SLC36A3: variants seen among roughly 807,000 people sequenced by gnomAD.
SLC36A3 encodes the protein proton-coupled amino acid transporter 3.
A neutral mutation model predicts 44.3 loss-of-function variants in SLC36A3; 35 were observed. The ratio of observed to expected loss-of-function variants is 0.79; its 90% CI spans 0.60 to 1.05. The LOEUF (loss-of-function observed/expected upper bound fraction) is 1.05. Ranked by LOEUF, SLC36A3 falls within the 50% of genes least tolerant of loss-of-function variation. SLC36A3 has a pLI of 0.00. For synonymous variants in SLC36A3, 211 were observed against 227.6 expected (o/e 0.93, Z 0.66); for missense variants, 540 against 578.7 (o/e 0.93, Z 0.69).
chr5:151,295,032 C>T (rs6890303), intron 3 of SLC36A3, among the ~76,000 whole-genome samples: 1 of 151,020 alleles, frequency 6.6e-6, no homozygotes, highest in Non-Finnish European at 1.5e-5. Flanking sequence ...TCTGCAACCT[C>T]TATATTAGAA....
At chr5:151,299,789 CTA>C (rs1755109544) in intron 1 of SLC36A3, among the ~76,000 whole-genome samples, 1 of 152,148 alleles carries the variant, frequency 6.6e-6, no homozygotes. Context: ...GGAGAAAATT[CTA>C]GTTTTGCCTA....
chr5:151,299,225 GCTCTCTCTCT>G lies in SLC36A3; in HGVS notation c.129-552_129-543del, dbSNP rs61382152. Among the ~76,000 whole-genome samples the G allele has an allele frequency of 9.0e-3, 834 of 92,270 alleles. 10 individuals are homozygous for G. The highest frequency in any genetic ancestry group is 0.024 in the African/African-American group (552 of 23,360). The allele number at this position is 92,270 out of a possible 152,430, so 60.5% of individuals were successfully genotyped here. ...CATTGTGAATATGAATTGCTTGTGC[GCTCTCTCTCT>G]CTCTCTCTCTCTCTCTCTCTCTCTC... On this transcript the variant is annotated intron_variant, in intron 1 of 9. Coordinates refer to ENST00000335230, the MANE Select transcript of SLC36A3 (RefSeq NM_181774.4).
intron 3 of SLC36A3, 139 bp from the exon 4 acceptor site, chr5:151,293,598 T>A: frequency 1.5e-6 from 1 of 678,386 alleles, no homozygotes; most frequent in Non-Finnish European, 2.4e-6. Flanking sequence ...ATCTACTTTA[T>A]ACTTTAACAA....
At chr5:151,301,821 C>T (rs996092539) in intron 1 of SLC36A3, among the ~76,000 whole-genome samples, 1 of 151,806 alleles carries the variant, frequency 6.6e-6, no homozygotes, top group Non-Finnish European at 1.5e-5. Flanking sequence ...CTTGATAAAT[C>T]GTCTCTGTCT....
At chr5:151,288,491 C>A (rs1754630997) in intron 4 of SLC36A3, 21 bp from the exon 5 acceptor site, 1 of 1,479,862 alleles carries the variant, frequency 6.8e-7, no homozygotes, top group South Asian at 1.4e-5. Context: ...AAGGAAGAGG[C>A]AGACAGAGGG....
chr5:151,284,051 T>A lies in SLC36A3; in HGVS notation c.967A>T (p.Asn323Tyr), dbSNP rs1156254124. The change falls in exon 8 of 10, where the codon AAT becomes TAT. Residue 323 changes from asparagine to tyrosine, a missense_variant. Coordinates refer to ENST00000335230, the MANE Select transcript of SLC36A3 (RefSeq NM_181774.4). ...TQASITLNLP[N>Y]CWLYQSVKLM... The stretch of plus-strand genomic sequence containing the variant: ...GAGGTGGGCAGGACATACCAGCAAT[T>A]GGGCAAGTTGAGGGTGATGCTGGCC... 3 of 1,610,486 alleles carry A rather than the reference T, an allele frequency of 1.9e-6. No individual in the cohort carries two copies. Among genetic ancestry groups the A allele is most frequent in the Middle Eastern group, 1.7e-4 (1 of 6,040 alleles).
At chr5:151,299,256 CTCTCTCTCTA>C (rs1459925299) in intron 1 of SLC36A3, among the ~76,000 whole-genome samples, 196 of 76,572 alleles carry the variant, frequency 2.6e-3, no homozygotes, top group Admixed American at 6.4e-3. Flanking sequence ...CTCTCTCTCT[CTCTCTCTCTA>C]TATATATATA....
At chr5:151,293,706 G>A (rs1270940360) in intron 3 of SLC36A3, among the ~76,000 whole-genome samples, 1 of 152,182 alleles carries the variant, frequency 6.6e-6, no homozygotes, top group Non-Finnish European at 1.5e-5. Flanking sequence ...TGAGTAAGCG[G>A]TAGCTGTGCA....
chr5:151,289,547 T>C (rs1754680305), intron 4 of SLC36A3, among the ~76,000 whole-genome samples: 1 of 152,150 alleles, frequency 6.6e-6, no homozygotes, highest in South Asian at 2.1e-4. Flanking sequence ...GATGGTATGA[T>C]GATTATACTT....
At chr5:151,284,279 T>A in intron 7 of SLC36A3, 69 bp from the exon 8 acceptor site, 1 of 1,214,474 alleles carries the variant, frequency 8.2e-7, no homozygotes, top group Non-Finnish European at 1.2e-6. Context: ...AAGGAGAGGG[T>A]TCCCGTACAA....
intron 3 of SLC36A3, 116 bp downstream of exon 3, chr5:151,296,064 T>G (rs1754947786): frequency 2.2e-6 from 2 of 906,266 alleles, no homozygotes; most frequent in East Asian, 2.6e-5. Context: ...GAATCCAGAT[T>G]GGTAGGAAGG....
chr5:151,282,948 G>A (rs1469494548), intron 8 of SLC36A3, among the ~76,000 whole-genome samples: 1 of 150,598 alleles, frequency 6.6e-6, no homozygotes, highest in East Asian at 1.9e-4. Context: ...GCAATGGCGT[G>A]ATCTCGGCTC....
Position 151,288,457 on chromosome 5 carries a change from A to T in SLC36A3, c.418T>A (p.Phe140Ile). The change falls in exon 5 of 10, where the codon TTC becomes ATC. Residue 140 changes from phenylalanine to isoleucine, a missense_variant. Coordinates refer to ENST00000335230, the MANE Select transcript of SLC36A3 (RefSeq NM_181774.4). The part of the protein sequence containing the change: ...HAVWGRYTVS[F>I]LLVITQLGFC... ...CCCAGCTGGGTGATGACTAATAAGAAGCTGACAGTGTACCTGGGAAGGAAA... is the reference window on the plus strand; with the variant it reads ...CCCAGCTGGGTGATGACTAATAAGATGCTGACAGTGTACCTGGGAAGGAAA... 6.3e-7 allele frequency: 1 copy of T among 1,579,850 alleles called. No individual in the cohort carries two copies. Among genetic ancestry groups the T allele is most frequent in the Non-Finnish European group, 8.6e-7 (1 of 1,162,082 alleles).
chr5:151,284,320 T>C, intron 7 of SLC36A3, 110 bp from the exon 8 acceptor site: 1 of 1,124,966 alleles, frequency 8.9e-7, no homozygotes, highest in Admixed American at 2.4e-5. Context: ...GTGGGCCCAG[T>C]ATCAGAAAGG....
chr5:151,293,014 T>C (rs6579850), intron 4 of SLC36A3, among the ~76,000 whole-genome samples: 23,811 of 152,094 alleles, frequency 0.16, 2,419 homozygotes, highest in African/African-American at 0.29. Context: ...TTCATTTATA[T>C]GTTCCAACAT....
At chr5:151,302,459 A>G (rs1417637758) in intron 1 of SLC36A3, among the ~76,000 whole-genome samples, 1 of 152,000 alleles carries the variant, frequency 6.6e-6, no homozygotes, top group Non-Finnish European at 1.5e-5. Flanking sequence ...TACTCCGCAA[A>G]CTAACAAAGG....
chr5:151,303,577 T>C lies in SLC36A3; in HGVS notation c.-223A>G, dbSNP rs1438342992. ...CCTCACCTGGCTCTTGGGGGACTTA[T>C]GAAAGACCCATCTCAGTCAGGATGG... is the stretch of plus-strand genomic sequence containing the variant. On this transcript the variant is annotated 5_prime_UTR_variant, in exon 1 of 10. Coordinates refer to ENST00000335230, the MANE Select transcript of SLC36A3 (RefSeq NM_181774.4). The C allele has an allele frequency of 2.1e-5, 10 of 473,446 alleles. No homozygotes were observed. Among genetic ancestry groups the C allele is most frequent in the Non-Finnish European group, 2.6e-5 (7 of 267,356 alleles). 29.3% of individuals were successfully genotyped at this position (473,446 alleles called of 1,614,324 possible).
In SLC36A3 at chr5:151,283,916, G is replaced by A. The variant is rs542789690; in HGVS notation, c.974+128C>T. ...GCTTTGACTGATGCAGTGTGAGCAG[G>A]AGAGACATATGTCACTTCCAGTGAT... On this transcript the variant is annotated intron_variant, in intron 8 of 9. Coordinates refer to ENST00000335230, the MANE Select transcript of SLC36A3 (RefSeq NM_181774.4). The A allele has an allele frequency of 6.6e-6, 8 of 1,204,762 alleles. No homozygotes were observed. The South Asian group carries it at 1.2e-4, about 19-fold the overall frequency. The allele number at this position is 1,204,762 out of a possible 1,614,324, so 74.6% of individuals were successfully genotyped here. A position where few individuals can be genotyped will look rare whatever the true frequency, so the allele number is the denominator to read the frequency against.
rs148855061 is a variant in SLC36A3, at chr5:151,291,963, C to T, written c.404+1401G>A. On this transcript the variant is annotated intron_variant, in intron 4 of 9. Transcript: ENST00000335230. Reference sequence around the variant, plus strand: ...GCAACCTCTGCCTCCTGAGTTCAAGCGATTCTCCTGCCTCAGTCTCCTGAG... The same window carrying T: ...GCAACCTCTGCCTCCTGAGTTCAAGTGATTCTCCTGCCTCAGTCTCCTGAG... Among the ~76,000 whole-genome samples, 475 of 151,774 alleles carry T rather than the reference C, an allele frequency of 3.1e-3. 4 individuals are homozygous for T. The highest frequency in any genetic ancestry group is 0.011 in the African/African-American group (447 of 41,114).
Sources: gnomAD v4.1 joint callset for allele counts (sites outside exome capture counted in the v4.1 genomes callset) on GRCh38, gnomAD v4.1.1 for gene constraint, MANE v1.5 for transcripts, NCBI Gene and HGNC (gene_info 2026-07-23, HGNC 2026-07-21) for gene names.